Variants in GHRHR observed in about 807,000 individuals in gnomAD.
The protein encoded by GHRHR is growth hormone-releasing hormone receptor.
A neutral mutation model predicts 58.3 loss-of-function variants in GHRHR; 40 were observed. The ratio of observed to expected loss-of-function variants is 0.69; its 90% CI spans 0.53 to 0.89. GHRHR has a LOEUF of 0.89. Ranked by LOEUF, GHRHR falls within the 40% of genes least tolerant of loss-of-function variation. The pLI is 0.00. For synonymous variants in GHRHR, 249 were observed against 216.6 expected, an observed-to-expected ratio of 1.15 and a Z score of -1.31; for missense variants, 551 against 541.3, an observed-to-expected ratio of 1.02 and a Z score of -0.18.
chr7:30,970,860 C>T, intron 4 of GHRHR: 1 of 546,910 alleles, frequency 1.8e-6, no homozygotes, highest in Non-Finnish European at 3.3e-6. Flanking sequence ...CCTCTCCTCA[C>T]CCTCAGAGCA....
In GHRHR at chr7:30,972,026, G is replaced by T. The variant is rs139700235; in HGVS notation, c.528G>T (p.Ala176=). The change falls in exon 6 of 13, where the codon GCG becomes GCT. Residue 176 remains alanine (A), a synonymous_variant. Coordinates refer to ENST00000326139, the MANE Select transcript of GHRHR (RefSeq NM_000823.4). ...TQLFTTFILK[A]GAVFLKDAAL... is the part of the protein sequence containing the mutation. ...TGTTCACCACTTTTATCCTCAAGGC[G>T]GGAGCTGTGTTCCTGAAGGATGCTG... The T allele has an allele frequency of 5.6e-6, 9 of 1,613,922 alleles. No homozygotes were observed. In the South Asian group the frequency reaches 9.9e-5, roughly 18 times the overall value.
Position 30,971,198 on chromosome 7 carries a change from C to T in GHRHR, c.446C>T (p.Thr149Ile). 1.3e-6 allele frequency: 2 copies of T among 1,483,806 alleles called. No homozygotes were observed. Among genetic ancestry groups the T allele is most frequent in the East Asian group, 2.4e-5 (1 of 41,368 alleles). 91.9% of individuals were successfully genotyped at this position (1,483,806 alleles called of 1,614,324 possible). A position where few individuals can be genotyped will look rare whatever the true frequency, so the allele number is the denominator to read the frequency against. ...ATTGTAGCCCTCTTCGTGGCCATCACCATCCTGGTTGCTCTCAGGTTTGTC... is the reference window on the plus strand; with the variant it reads ...ATTGTAGCCCTCTTCGTGGCCATCATCATCCTGGTTGCTCTCAGGTTTGTC... ...ISIVALFVAITILVALRRLHC... is the reference protein window; with the variant it reads ...ISIVALFVAIIILVALRRLHC... Residue 149 changes from threonine to isoleucine, a missense_variant, in exon 5 of 13, where the codon ACC becomes ATC. Coordinates refer to ENST00000326139, the MANE Select transcript of GHRHR (RefSeq NM_000823.4).
chr7:30,968,665 C>G (rs1792409725), intron 1 of GHRHR, among the ~76,000 whole-genome samples, 169 bp from the exon 2 acceptor site: 1 of 132,660 alleles, frequency 7.5e-6, no homozygotes, highest in South Asian at 2.8e-4. Flanking sequence ...TTCCTTCCTT[C>G]CATCTGAACA....
At chr7:30,972,402 C>T (rs571317965) in intron 6 of GHRHR, among the ~76,000 whole-genome samples, 2 of 152,200 alleles carry the variant, frequency 1.3e-5, no homozygotes, top group East Asian at 3.9e-4. Context: ...TCCCTGAGCA[C>T]TCATAGGTCT....
chr7:30,967,431 C>T (rs572973226), intron 1 of GHRHR, among the ~76,000 whole-genome samples: 1 of 152,316 alleles, frequency 6.6e-6, no homozygotes, highest in East Asian at 1.9e-4. Flanking sequence ...TTTCTCATGG[C>T]CACTGTGTAG....
At chr7:30,968,640 C>CCCTCCCTCCCTCCCTCCCTTCCTTCCTT (rs1554292748) in intron 1 of GHRHR, among the ~76,000 whole-genome samples, 194 bp from the exon 2 acceptor site, 1 of 81,862 alleles carries the variant, frequency 1.2e-5, no homozygotes, top group Admixed American at 1.1e-4. Flanking sequence ...CTCCCTCCCT[C>CCCTCCCTCCCTCCCTCCCTTCCTTCCTT]CCTTCCTTCC....
chr7:30,977,178 C>T, intron 11 of GHRHR, 103 bp from the exon 12 acceptor site: 1 of 1,068,710 alleles, frequency 9.4e-7, no homozygotes, highest in Non-Finnish European at 1.5e-6. Context: ...CTGGCCCAAG[C>T]CATAGCCTGG....
Position 30,974,465 on chromosome 7 carries a change from G to T in GHRHR, c.788G>T (p.Cys263Phe), listed in dbSNP as rs767254698. The stretch of plus-strand genomic sequence containing the variant: ...CTCTTCACTGGCACGTGGGTGAGCT[G>T]CAAACTGGCCTTCGAGGACATCGCG... ...PVLFTGTWVS[C>F]KLAFEDIACW... Residue 263 changes from cysteine (C) to phenylalanine (F), a missense_variant, in exon 8 of 13, where the codon TGC (cysteine) becomes TTC (phenylalanine). By Grantham distance (205) the Cys-to-Phe change is radical (BLOSUM62 -2). Coordinates refer to ENST00000326139, the MANE Select transcript of GHRHR (RefSeq NM_000823.4). 5.9e-5 allele frequency: 95 copies of T among 1,612,796 alleles called. No individual in the cohort carries two copies. The highest frequency in any genetic ancestry group is 8.1e-5 in the Non-Finnish European group (95 of 1,178,868).
At chr7:30,976,936 TCATCTATCCATC>T (rs1015258597) in intron 11 of GHRHR, among the ~76,000 whole-genome samples, 43 of 114,488 alleles carry the variant, frequency 3.8e-4, no homozygotes, top group East Asian at 2.7e-3. Flanking sequence ...ACCCACCCAC[TCATCTATCCATC>T]CATCTATCCA....
intron 1 of GHRHR, 101 bp from the exon 2 acceptor site, chr7:30,968,733 G>T: frequency 1.3e-6 from 1 of 758,550 alleles, no homozygotes; most frequent in Admixed American, 1.9e-5. Flanking sequence ...TTAGGGCACA[G>T]ATATGAATCA....
intron 10 of GHRHR, 136 bp downstream of exon 10, chr7:30,976,004 C>T (rs1401320036): frequency 1.4e-6 from 1 of 696,298 alleles, no homozygotes; most frequent in Non-Finnish European, 2.7e-6. Context: ...ACAGAATAGA[C>T]CTGGCCCCTT....
chr7:30,970,078 CA>C (rs1792451653), intron 4 of GHRHR, 114 bp downstream of exon 4: 9 of 755,378 alleles, frequency 1.2e-5, no homozygotes, highest in Non-Finnish European at 2.0e-5. Context: ...CTACTTACAG[CA>C]GTTTTCCAGC....
At chr7:30,976,357 T>G in intron 10 of GHRHR, 72 bp from the exon 11 acceptor site, 4 of 1,399,454 alleles carry the variant, frequency 2.9e-6, no homozygotes, top group Non-Finnish European at 4.0e-6. Context: ...TGGTAGGAAG[T>G]GAGAGGAGAT....
chr7:30,974,457 G>C lies in GHRHR; in HGVS notation c.780G>C (p.Trp260Cys). 6.2e-7 allele frequency: 1 copy of C among 1,613,372 alleles called. No homozygotes were observed. The highest frequency in any genetic ancestry group is 2.2e-5 in the East Asian group (1 of 44,874). ...WGLPVLFTGT[W>C]VSCKLAFEDI... ...TGCCCGTGCTCTTCACTGGCACGTG[G>C]GTGAGCTGCAAACTGGCCTTCGAGG... Residue 260 changes from tryptophan to cysteine, a missense_variant, in exon 8 of 13, where the codon TGG (tryptophan) becomes TGC (cysteine). Transcript: ENST00000326139.
At position 30,979,417 on chromosome 7, in the gene GHRHR, A is replaced by G. The variant is rs2128599258; in HGVS notation, c.*173A>G. ...TCTGACTCTCTTTTGAGGTCCCTGTATGTCTACCTCTGACTTCTGTGGTCC... is the reference window on the plus strand; with the variant it reads ...TCTGACTCTCTTTTGAGGTCCCTGTGTGTCTACCTCTGACTTCTGTGGTCC... On this transcript the variant is annotated 3_prime_UTR_variant, in exon 13 of 13. Transcript: ENST00000326139. The G allele has an allele frequency of 3.1e-6, 2 of 650,910 alleles. No individual in the cohort carries two copies. The highest frequency in any genetic ancestry group is 5.6e-6 in the Non-Finnish European group (2 of 359,478). 40.3% of individuals were successfully genotyped at this position (650,910 alleles called of 1,614,324 possible).
intron 11 of GHRHR, 109 bp from the exon 12 acceptor site, chr7:30,977,172 C>T (rs1792602501): frequency 6.9e-6 from 7 of 1,012,582 alleles, no homozygotes. Context: ...TCAAACCTGG[C>T]CCAAGCCATA....
chr7:30,978,517 A>G (rs1792628998), intron 12 of GHRHR, among the ~76,000 whole-genome samples: 1 of 152,146 alleles, frequency 6.6e-6, no homozygotes, highest in Admixed American at 6.5e-5. Flanking sequence ...ATCTTTCACC[A>G]CAACCCCAGT....
rs554079926 is a variant in GHRHR at position 30,970,163 on chromosome 7, A to G, written c.366+199A>G. On this transcript the variant is annotated intron_variant, in intron 4 of 12. Coordinates refer to ENST00000326139, the MANE Select transcript of GHRHR (RefSeq NM_000823.4). ...TGAAGGGTGACCCACGGGCCAAGTTACTTGGAGGGAGAAGCGGGGCAGAGG... is the reference window on the plus strand; with the variant it reads ...TGAAGGGTGACCCACGGGCCAAGTTGCTTGGAGGGAGAAGCGGGGCAGAGG... Among the ~76,000 whole-genome samples, 8 of 152,296 alleles carry G rather than the reference A, an allele frequency of 5.3e-5. No individual in the cohort carries two copies. The South Asian group carries it at 1.5e-3, about 28-fold the overall frequency.
At chr7:30,974,741 G>A (rs1292811270) in intron 8 of GHRHR, among the ~76,000 whole-genome samples, 1 of 152,192 alleles carries the variant, frequency 6.6e-6, no homozygotes, top group Non-Finnish European at 1.5e-5. Flanking sequence ...GGCCAGCAAG[G>A]AGGCATTGAA....
Sources: allele counts gnomAD v4.1 joint callset (sites outside exome capture counted in the v4.1 genomes callset), GRCh38; gene constraint gnomAD v4.1.1; transcripts MANE v1.5; gene names NCBI Gene and HGNC (gene_info 2026-07-23, HGNC 2026-07-21).